The following M1AP variants were observed in gnomAD, a reference collection of about 807,000 sequenced individuals.
M1AP encodes meiosis 1 associated protein, also known as meiosis 1 arrest protein.
A neutral mutation model predicts 51.2 loss-of-function variants in M1AP; 39 were observed. That is an observed-to-expected ratio of 0.76 (90% CI 0.59 to 1.00). M1AP has a LOEUF of 1.00. Among genes scored for constraint, M1AP ranks in the 50% least tolerant of loss-of-function variants. The pLI is 0.00. For missense variants in M1AP, 545 were observed against 641.2 expected, an observed-to-expected ratio of 0.85 and a Z score of 1.62; for synonymous variants, 251 against 249.2, an observed-to-expected ratio of 1.01 and a Z score of -0.07.
chr2:74,611,891 T>TTG (rs1681379486), intron 3 of M1AP, among the ~76,000 whole-genome samples: 2 of 75,148 alleles, frequency 2.7e-5, no homozygotes, highest in African/African-American at 4.9e-5. Flanking sequence ...TGTTTTTTTT[T>TTG]TTTTTTTTTT....
intron 1 of M1AP, among the ~76,000 whole-genome samples, chr2:74,646,689 T>A (rs561957249): frequency 4.6e-5 from 7 of 152,198 alleles, no homozygotes; most frequent in Non-Finnish European, 1.0e-4. Context: ...ATAAAACACT[T>A]TAGCTCTCAA....
chr2:74,597,014 T>C (rs1680380081), intron 4 of M1AP, among the ~76,000 whole-genome samples: 1 of 152,204 alleles, frequency 6.6e-6, no homozygotes, highest in Non-Finnish European at 1.5e-5. Flanking sequence ...GGAAATGTTC[T>C]GTATATTGAT....
intron 2 of M1AP, among the ~76,000 whole-genome samples, chr2:74,630,406 G>T (rs1296008880): frequency 6.6e-6 from 1 of 152,172 alleles, no homozygotes; most frequent in African/African-American, 2.4e-5. Flanking sequence ...GTGCCATGGT[G>T]GTTTGCTGTA....
At chr2:74,572,942 C>CA (rs1198247516) in intron 7 of M1AP, among the ~76,000 whole-genome samples, 2 of 152,154 alleles carry the variant, frequency 1.3e-5, no homozygotes, top group Non-Finnish European at 2.9e-5. Context: ...AATAAATAGA[C>CA]AGATAGATAA....
intron 7 of M1AP, among the ~76,000 whole-genome samples, chr2:74,566,490 C>A (rs1054595922): frequency 6.6e-6 from 1 of 152,102 alleles, no homozygotes; most frequent in African/African-American, 2.4e-5. Context: ...TGAAACAGTT[C>A]AGCATATTTG....
At chr2:74,590,704 CG>C (rs1467911994) in intron 4 of M1AP, among the ~76,000 whole-genome samples, 2 of 152,106 alleles carry the variant, frequency 1.3e-5, no homozygotes, top group Non-Finnish European at 2.9e-5. Flanking sequence ...TCTGGAGCCA[CG>C]GAAGTGTTCC....
chr2:74,619,605 C>T (rs1179226685), intron 2 of M1AP, among the ~76,000 whole-genome samples: 1 of 152,136 alleles, frequency 6.6e-6, no homozygotes, highest in Admixed American at 6.5e-5. Context: ...TGCTAAAATG[C>T]AAGGAAGTTT....
Position 74,581,790 on chromosome 2 carries a change from C to T in M1AP, c.653G>A (p.Ser218Asn), listed in dbSNP as rs749435780. 2 of 1,614,036 alleles carry T rather than the reference C, an allele frequency of 1.2e-6. No individual in the cohort carries two copies. The highest frequency in any genetic ancestry group is 8.5e-7 in the Non-Finnish European group (1 of 1,179,916). Residue 218 changes from serine to asparagine, a missense_variant, in exon 5 of 11, where the codon AGC (serine) becomes AAC (asparagine). By Grantham distance (46) the Ser-to-Asn change is conservative (BLOSUM62 1). Transcript: ENST00000421985. ...DLQTIDNDIVSMEIFFKAWLH... is the reference protein window; with the variant it reads ...DLQTIDNDIVNMEIFFKAWLH... ...CCAGGCTTTGAAGAAAATCTCCATG[C>T]TGACGATATCATTGTCTATAGTCTG...
At chr2:74,597,189 A>G (rs1680394715) in intron 4 of M1AP, among the ~76,000 whole-genome samples, 1 of 152,238 alleles carries the variant, frequency 6.6e-6, no homozygotes, top group Non-Finnish European at 1.5e-5. Context: ...ACTGAACTCA[A>G]AAAATTATTT....
At chr2:74,574,085 G>A (rs1678913036) in intron 7 of M1AP, among the ~76,000 whole-genome samples, 1 of 152,190 alleles carries the variant, frequency 6.6e-6, no homozygotes, top group East Asian at 1.9e-4. Flanking sequence ...ACCTAAAAGG[G>A]AGTGCGGGCT....
intron 2 of M1AP, among the ~76,000 whole-genome samples, chr2:74,624,692 T>A (rs1323166377): frequency 6.6e-6 from 1 of 152,220 alleles, no homozygotes; most frequent in Admixed American, 6.5e-5. Context: ...TTCAAAAGGA[T>A]ATGTAATTCT....
chr2:74,600,879 T>G (rs1203229511), intron 4 of M1AP, among the ~76,000 whole-genome samples: 1 of 152,122 alleles, frequency 6.6e-6, no homozygotes, highest in Non-Finnish European at 1.5e-5. Context: ...CATTAAAAAT[T>G]ATAGTCTTAT....
At chr2:74,634,722 A>G (rs1344542932) in intron 2 of M1AP, among the ~76,000 whole-genome samples, 2 of 152,120 alleles carry the variant, frequency 1.3e-5, no homozygotes, top group African/African-American at 2.4e-5. Context: ...AACTTTGTCA[A>G]ATGCTTATTC....
intron 6 of M1AP, among the ~76,000 whole-genome samples, chr2:74,576,065 G>A (rs947348560): frequency 6.6e-6 from 1 of 152,166 alleles, no homozygotes; most frequent in Non-Finnish European, 1.5e-5. Context: ...AGGAATTCTA[G>A]TACTTAGAGA....
chr2:74,563,035 T>C (rs1255835933), intron 7 of M1AP, among the ~76,000 whole-genome samples: 2 of 152,136 alleles, frequency 1.3e-5, no homozygotes, highest in African/African-American at 4.8e-5. Flanking sequence ...TGCTAACAAC[T>C]GGGATTAGAA....
intron 4 of M1AP, among the ~76,000 whole-genome samples, chr2:74,600,460 T>C (rs1160819904): frequency 3.3e-5 from 5 of 152,196 alleles, no homozygotes; most frequent in African/African-American, 9.6e-5. Flanking sequence ...GGGGTTAACA[T>C]TGGTTGCTAG....
At chr2:74,564,958 C>T (rs950894734) in intron 7 of M1AP, among the ~76,000 whole-genome samples, 46 of 152,320 alleles carry the variant, frequency 3.0e-4, no homozygotes, top group Non-Finnish European at 2.9e-4. Flanking sequence ...CAGTGGCTCA[C>T]GCCTGTAATG....
At chr2:74,595,844 T>C (rs1680302984) in intron 4 of M1AP, among the ~76,000 whole-genome samples, 1 of 152,192 alleles carries the variant, frequency 6.6e-6, no homozygotes, top group Non-Finnish European at 1.5e-5. Flanking sequence ...CACAAGGTCT[T>C]TGCATTTTAT....
chr2:74,647,200 G>A (rs1683661085), intron 1 of M1AP: 1 of 984,494 alleles, frequency 1.0e-6, no homozygotes, highest in African/African-American at 1.7e-5. Flanking sequence ...TGGCCCTAAA[G>A]TTCTGCTTGT....
Sources: allele counts gnomAD v4.1 joint callset (sites outside exome capture counted in the v4.1 genomes callset), GRCh38; gene constraint gnomAD v4.1.1; transcripts MANE v1.5; gene names NCBI Gene and HGNC (gene_info 2026-07-23, HGNC 2026-07-21).